The following PNLDC1 variants were observed in gnomAD, a reference collection of about 807,000 sequenced individuals.
The protein encoded by PNLDC1 is PARN like ribonuclease domain containing exonuclease 1, also known as poly(A)-specific ribonuclease PNLDC1.
In PNLDC1, 70 loss-of-function variants were observed where a neutral mutation model predicts 82.0. The ratio of observed to expected loss-of-function variants is 0.85; its 90% CI spans 0.70 to 1.04. The LOEUF is 1.04. Among genes scored for constraint, PNLDC1 ranks in the 50% least tolerant of loss-of-function variants. The pLI is 0.00. For synonymous variants in PNLDC1, 280 were observed against 249.3 expected, an observed-to-expected ratio of 1.12 and a Z score of -1.16; for missense variants, 631 against 661.1, an observed-to-expected ratio of 0.95 and a Z score of 0.50.
chr6:159,817,103 T>A lies in PNLDC1; in HGVS notation c.1115-6T>A. 2 of 1,611,364 alleles carry A rather than the reference T, an allele frequency of 1.2e-6. No individual in the cohort carries two copies. The highest frequency in any genetic ancestry group is 1.7e-6 in the Non-Finnish European group (2 of 1,177,748). ...CTATTGCATTTCTGTCTTTTTTCCT[T>A]CCTAGTTCTTTTGAAAGTGGCACAC... is the stretch of plus-strand genomic sequence containing the variant. On this transcript the variant is annotated splice_polypyrimidine_tract_variant and splice_region_variant and intron_variant, in intron 14 of 18. Coordinates refer to ENST00000392167, the MANE Select transcript of PNLDC1 (RefSeq NM_001271862.2).
At position 159,816,052 on chromosome 6, in the gene PNLDC1, A is replaced by G. The variant is rs1303303758; in HGVS notation, c.1060+19A>G. 4.5e-6 allele frequency: 7 copies of G among 1,568,190 alleles called. No individual in the cohort carries two copies. Among genetic ancestry groups the G allele is most frequent in the African/African-American group, 3.0e-5 (2 of 67,516 alleles). ...AAATATGGTACGTTCCCATGAGCCC[A>G]TAATCCTTGCACAGTCGGCAGAGTG... On this transcript the variant is annotated intron_variant, in intron 13 of 18. Transcript: ENST00000392167.
In PNLDC1 at chr6:159,819,320, G is replaced by A. The variant is rs1781956499; in HGVS notation, c.1500G>A (p.Trp500Ter). 6.2e-7 allele frequency: 1 copy of A among 1,613,866 alleles called. No homozygotes were observed. The highest frequency in any genetic ancestry group is 8.5e-7 in the Non-Finnish European group (1 of 1,180,026). ...TGTGCATCTCCCTGTACCGCTACTG[G>A]AGGCACTCCCCAAACGTCAACTGCC... Reference protein sequence around the residue: ...PTLCISLYRYWRHSPNVNCLL... With the variant: ...PTLCISLYRY The change falls in exon 18 of 19, where the codon TGG (tryptophan) becomes TGA (stop). Residue 500 changes from tryptophan to a stop codon, truncating the protein, a stop_gained. Coordinates refer to ENST00000392167, the MANE Select transcript of PNLDC1 (RefSeq NM_001271862.2). LOFTEE classifies it high-confidence loss of function. This position sits in a 1 kb window ranked among gnomAD's most constrained non-coding sequence, Gnocchi z 4.6.
intron 3 of PNLDC1, among the ~76,000 whole-genome samples, chr6:159,801,812 A>G (rs1308352522): frequency 6.6e-6 from 1 of 151,870 alleles, no homozygotes; most frequent in Non-Finnish European, 1.5e-5. Flanking sequence ...TCTCAGTTTC[A>G]GAAACTTTTT....
At chr6:159,804,123 T>A in intron 5 of PNLDC1, 35 bp downstream of exon 5, 1 of 1,607,496 alleles carries the variant, frequency 6.2e-7, no homozygotes, top group Non-Finnish European at 8.5e-7. Context: ...GGAATGTCTT[T>A]TGTTTGTTTC....
chr6:159,811,186 C>T (rs762535757), intron 10 of PNLDC1, among the ~76,000 whole-genome samples: 3 of 152,068 alleles, frequency 2.0e-5, no homozygotes, highest in East Asian at 1.9e-4. Context: ...GGGAGAGTAG[C>T]GGGAAGAGAT....
intron 12 of PNLDC1, 73 bp from the exon 13 acceptor site, chr6:159,815,896 G>A (rs1031673902): frequency 1.7e-6 from 2 of 1,165,202 alleles, no homozygotes; most frequent in African/African-American, 3.0e-5. Context: ...ATTAACTTAA[G>A]GGACTGAGGG....
rs116181046 is a variant in PNLDC1, at chr6:159,803,420, G to A, written c.248+110G>A. 1.6e-3 allele frequency: 1,525 copies of A among 948,392 alleles called. 18 individuals carry two copies. In the African/African-American group the frequency reaches 0.022, roughly 14 times the overall value. 58.7% of individuals were successfully genotyped at this position (948,392 alleles called of 1,614,324 possible). A position where few individuals can be genotyped will look rare whatever the true frequency, so the allele number is the denominator to read the frequency against. On this transcript the variant is annotated intron_variant, in intron 4 of 18. Coordinates refer to ENST00000392167, the MANE Select transcript of PNLDC1 (RefSeq NM_001271862.2). ...CGATCACTTTTGCCCTGGATCTTCC[G>A]TATTCTCTCCTGTGTCTGTTCCTCC...
intron 11 of PNLDC1, among the ~76,000 whole-genome samples, chr6:159,813,177 A>G (rs1322525267): frequency 6.6e-6 from 1 of 152,166 alleles, no homozygotes; most frequent in African/African-American, 2.4e-5. Context: ...AGAGGCTGTT[A>G]TTATTTGTAG....
Position 159,801,138 on chromosome 6 carries a change from T to A in PNLDC1, c.160T>A (p.Tyr54Asn). Reference protein sequence around the residue: ...ISLFDLPSEWYLKTRQSVQQF... With the variant: ...ISLFDLPSEWNLKTRQSVQQF... ...TCTTTTTGATTTGCCATCGGAGTGG[T>A]ATCTAAAGACCCGTCAGAGTGTTCA... Residue 54 changes from tyrosine (Y) to asparagine (N), a missense_variant, in exon 3 of 19, where the codon TAT becomes AAT. By Grantham distance (143) the Tyr-to-Asn change is moderately radical. Coordinates refer to ENST00000392167, the MANE Select transcript of PNLDC1 (RefSeq NM_001271862.2). The A allele has an allele frequency of 1.9e-6, 3 of 1,614,202 alleles. No individual in the cohort carries two copies. The highest frequency in any genetic ancestry group is 1.7e-6 in the Non-Finnish European group (2 of 1,180,024).
upstream of PNLDC1, chr6:159,800,260 G>A (rs1278719424): frequency 6.6e-7 from 1 of 1,512,156 alleles, no homozygotes; most frequent in South Asian, 1.2e-5. Flanking sequence ...TGGGCAGCAC[G>A]TGGGCAGCAC....
Position 159,804,589 on chromosome 6 carries a change from A to G in PNLDC1, c.413A>G (p.Glu138Gly). 2 of 1,610,794 alleles carry G rather than the reference A, an allele frequency of 1.2e-6. No homozygotes were observed. Among genetic ancestry groups the G allele is most frequent in the Non-Finnish European group, 1.7e-6 (2 of 1,177,000 alleles). The change falls in exon 6 of 19, where the codon GAG (glutamate) becomes GGG (glycine). Residue 138 changes from glutamate (E) to glycine (G), a missense_variant. Physicochemically the swap from Glu to Gly is moderately conservative, Grantham distance 98 (BLOSUM62 -2). Transcript: ENST00000392167. ...ATCCCATATATGAATGAAGAACAGG[A>G]GAAGAAAATTAGACACGATATCCTG... Reference protein sequence around the residue: ...NGIPYMNEEQEKKIRHDILTG... With the variant: ...NGIPYMNEEQGKKIRHDILTG...
intron 5 of PNLDC1, 141 bp from the exon 6 acceptor site, chr6:159,804,408 A>G (rs1172581904): frequency 1.1e-5 from 7 of 661,914 alleles, no homozygotes; most frequent in Non-Finnish European, 1.8e-5. Flanking sequence ...CCGGCCTGGG[A>G]ATGTCTTACA....
chr6:159,808,768 G>T lies in PNLDC1; in HGVS notation c.591G>T (p.Val197=). The change falls in exon 8 of 19, where the codon GTG becomes GTT. Residue 197 remains valine (V), a synonymous_variant. Coordinates refer to ENST00000392167, the MANE Select transcript of PNLDC1 (RefSeq NM_001271862.2). ...TGFQAFEVQL[V]LRQALPNIWT... ...TCCAGGCCTTTGAGGTCCAACTGGT[G>T]CTGAGGCAGGCCCTCCCCAACATCT... 6.2e-7 allele frequency: 1 copy of T among 1,614,012 alleles called. No individual in the cohort carries two copies. Among genetic ancestry groups the T allele is most frequent in the Non-Finnish European group, 8.5e-7 (1 of 1,179,974 alleles).
At chr6:159,816,432 C>T (rs1468400295) in intron 13 of PNLDC1, 111 bp from the exon 14 acceptor site, 3 of 966,530 alleles carry the variant, frequency 3.1e-6, no homozygotes, top group Non-Finnish European at 5.0e-6. Context: ...GAAGGGTATG[C>T]AGGACCATGG....
At chr6:159,816,921 T>A (rs1781854327) in intron 14 of PNLDC1, among the ~76,000 whole-genome samples, 188 bp from the exon 15 acceptor site, 1 of 152,208 alleles carries the variant, frequency 6.6e-6, no homozygotes, top group Admixed American at 6.5e-5. Flanking sequence ...CGCCTCGGCC[T>A]CCCAAGGTGC....
In PNLDC1 at chr6:159,818,988, C is replaced by G; in HGVS notation, c.1300C>G (p.Leu434Val). Residue 434 changes from leucine to valine, a missense_variant, in exon 17 of 19, where the codon CTC (leucine) becomes GTC (valine). Transcript: ENST00000392167. ...PDYPSIRPPI[L>V]ILSVKRWPGV... ...TTATCCCAGTATCCGACCTCCCATC[C>G]TCATCCTCAGCGTCAAAAGGTGGCC... 1 of 1,614,044 alleles carries G rather than the reference C, an allele frequency of 6.2e-7. No homozygotes were observed. Among genetic ancestry groups the G allele is most frequent in the East Asian group, 2.2e-5 (1 of 44,878 alleles).
At chr6:159,803,223 C>T (rs1363624681) in intron 3 of PNLDC1, 48 bp from the exon 4 acceptor site, 2 of 1,587,302 alleles carry the variant, frequency 1.3e-6, no homozygotes, top group South Asian at 2.2e-5. Flanking sequence ...TAGTGAAATT[C>T]AGGTTGCTTT....
intron 11 of PNLDC1, among the ~76,000 whole-genome samples, chr6:159,812,953 A>G (rs531790806): frequency 2.0e-5 from 3 of 152,228 alleles, no homozygotes; most frequent in Admixed American, 2.0e-4. Flanking sequence ...AAGCCCGGGA[A>G]GTGGAGATTG....
rs147933369 is a variant in PNLDC1, at chr6:159,812,190, G to A, written c.939+404G>A. ...GCTGGGATTACAGGGGTGAGCCACT[G>A]CGCCCGGCCTGCCACTTGTGTTTTT... On this transcript the variant is annotated intron_variant, in intron 11 of 18. Coordinates refer to ENST00000392167, the MANE Select transcript of PNLDC1 (RefSeq NM_001271862.2). 6.0e-3 allele frequency among the ~76,000 whole-genome samples: 908 copies of A among 152,278 alleles called. 10 individuals carry two copies. The highest frequency in any genetic ancestry group is 0.021 in the African/African-American group (874 of 41,548).
Sources: allele counts gnomAD v4.1 joint callset (sites outside exome capture counted in the v4.1 genomes callset), GRCh38; gene constraint gnomAD v4.1.1; non-coding constraint Gnocchi (gnomAD v3.1); transcripts MANE v1.5; gene names NCBI Gene and HGNC (gene_info 2026-07-23, HGNC 2026-07-21).